The following QTGAL variants were observed in gnomAD, a reference collection of about 807,000 sequenced individuals.
QTGAL encodes BGnT-like protein 1.
the QTGAL span, chr17:82,949,459 CACA>C: frequency 6.6e-6 from 1 of 152,166 alleles, no homozygotes; most frequent in African/African-American, 2.4e-5. Flanking sequence ...TGGAGGAAGG[CACA>C]ACAACAGTGC....
chr17:82,961,363 A>C, the QTGAL span: 2 of 353,206 alleles, frequency 5.7e-6, no homozygotes, highest in Non-Finnish European at 5.0e-6. Flanking sequence ...GACGTGAGCA[A>C]CCGAGCTTCT....
chr17:83,021,256 T>C, the QTGAL span, among the ~76,000 whole-genome samples: 80 of 152,272 alleles, frequency 5.3e-4, no homozygotes, highest in East Asian at 0.012. Context: ...ATAAGTAAGA[T>C]TGGAATAGAC....
the QTGAL span, among the ~76,000 whole-genome samples, chr17:82,995,888 T>G: frequency 6.6e-6 from 1 of 152,008 alleles, no homozygotes; most frequent in East Asian, 1.9e-4. Context: ...ATAACTAAAA[T>G]AAAATGCCTA....
chr17:82,968,357 G>A, the QTGAL span, among the ~76,000 whole-genome samples: 3 of 152,108 alleles, frequency 2.0e-5, no homozygotes, highest in Admixed American at 1.3e-4. Flanking sequence ...ACAAACTGCC[G>A]GTCAGGGCAG....
the QTGAL span, chr17:82,947,995 G>C: frequency 3.3e-5 from 5 of 152,242 alleles, no homozygotes; most frequent in Non-Finnish European, 5.9e-5. Context: ...AAAGCAACAT[G>C]TTCCATTAGG....
the QTGAL span, chr17:82,942,488 A>G: frequency 3.1e-6 from 5 of 1,613,234 alleles, no homozygotes; most frequent in African/African-American, 2.7e-5. Context: ...CCCATACCTC[A>G]CCCCTGCCTG....
the QTGAL span, among the ~76,000 whole-genome samples, chr17:82,966,551 G>A: frequency 1.3e-5 from 2 of 152,158 alleles, no homozygotes; most frequent in Admixed American, 6.5e-5. Flanking sequence ...AAGCAGAGCC[G>A]CCTGGCTGGG....
the QTGAL span, among the ~76,000 whole-genome samples, chr17:83,030,355 C>G: frequency 1.3e-5 from 2 of 152,122 alleles, no homozygotes; most frequent in Admixed American, 1.3e-4. Context: ...AAAGCAGAAG[C>G]AAAACCACAG....
chr17:83,000,397 A>G, the QTGAL span, among the ~76,000 whole-genome samples: 1,846 of 152,308 alleles, frequency 0.012, 42 homozygotes, highest in African/African-American at 0.042. Flanking sequence ...GGGGTTTGTA[A>G]AACATCAGTC....
chr17:82,986,560 C>G, the QTGAL span, among the ~76,000 whole-genome samples: 15 of 152,324 alleles, frequency 9.8e-5, no homozygotes, highest in East Asian at 2.7e-3. Context: ...TTTCTTCCCC[C>G]GCTTTTCCGC....
the QTGAL span, among the ~76,000 whole-genome samples, chr17:83,047,067 T>G: frequency 1.3e-5 from 2 of 152,350 alleles, no homozygotes; most frequent in East Asian, 3.9e-4. Flanking sequence ...TGGAAGAGCC[T>G]GCGTGCCACC....
chr17:83,009,702 C>A, the QTGAL span, among the ~76,000 whole-genome samples: 1 of 152,024 alleles, frequency 6.6e-6, no homozygotes, highest in Non-Finnish European at 1.5e-5. Context: ...GAGGTGCCCT[C>A]GGTGCATGGT....
At chr17:83,029,534 G>A in the QTGAL span, among the ~76,000 whole-genome samples, 1 of 152,150 alleles carries the variant, frequency 6.6e-6, no homozygotes, top group Non-Finnish European at 1.5e-5. Flanking sequence ...TGTGTCAGGT[G>A]GCAGGTCCAT....
At chr17:82,998,107 G>T in the QTGAL span, among the ~76,000 whole-genome samples, 8 of 151,580 alleles carry the variant, frequency 5.3e-5, no homozygotes, top group African/African-American at 1.9e-4. Context: ...ATAACTAAAA[G>T]AATATAGTTG....
chr17:82,946,791 A>G, the QTGAL span: 3 of 1,134,104 alleles, frequency 2.6e-6, no homozygotes, highest in Non-Finnish European at 3.8e-6. Flanking sequence ...GACTAACTGT[A>G]AAGAAAATTA....
At chr17:83,005,317 C>A in the QTGAL span, 121 of 973,884 alleles carry the variant, frequency 1.2e-4, no homozygotes, top group Admixed American at 3.1e-4. The surrounding 1 kb of genome is among the most constrained non-coding windows in gnomAD (Gnocchi z 5.6). Context: ...GATGTCCAGA[C>A]AGGAAACTGA....
the QTGAL span, among the ~76,000 whole-genome samples, chr17:83,037,235 G>A: frequency 6.6e-6 from 1 of 152,218 alleles, no homozygotes; most frequent in Admixed American, 6.5e-5. The surrounding 1 kb of genome is among the most constrained non-coding windows in gnomAD (Gnocchi z 5.2). Context: ...ACAAGGAGGG[G>A]AAGGCAGGGC....
chr17:83,037,969 C>T, the QTGAL span, among the ~76,000 whole-genome samples: 8 of 152,108 alleles, frequency 5.3e-5, no homozygotes, highest in Non-Finnish European at 8.8e-5. This position sits in a 1 kb window ranked among gnomAD's most constrained non-coding sequence, Gnocchi z 5.2. Flanking sequence ...AAAACTCACA[C>T]GGCGGCGAGA....
chr17:82,987,332 A>G, the QTGAL span, among the ~76,000 whole-genome samples: 1 of 152,222 alleles, frequency 6.6e-6, no homozygotes, highest in African/African-American at 2.4e-5. Flanking sequence ...TAAAAAGAAG[A>G]CTTATTTGAG....
Sources: gnomAD v4.1 joint callset for allele counts (sites outside exome capture counted in the v4.1 genomes callset) on GRCh38, gnomAD v4.1.1 for gene constraint, Gnocchi (gnomAD v3.1) non-coding constraint, MANE v1.5 for transcripts, NCBI Gene and HGNC (gene_info 2026-07-23, HGNC 2026-07-21) for gene names.